Variants in IL1RAPL1 observed in about 807,000 individuals in gnomAD.
The protein encoded by IL1RAPL1 is interleukin 1 receptor accessory protein like 1.
A neutral mutation model predicts 48.4 loss-of-function variants in IL1RAPL1; 3 were observed. The ratio of observed to expected loss-of-function variants is 0.06; its 90% confidence interval spans 0.03 to 0.16. The LOEUF is 0.16. IL1RAPL1 is among the 10% of genes least tolerant of loss of function. IL1RAPL1 has a pLI of 1.00. For synonymous variants in IL1RAPL1, 185 were observed against 187.7 expected, an observed-to-expected ratio of 0.99 and a Z score of 0.12; for missense variants, 349 against 530.6, an observed-to-expected ratio of 0.66 and a Z score of 3.36.
At chrX:29,158,968 C>G (rs1310523144) in intron 2 of IL1RAPL1, among the ~76,000 whole-genome samples, 1 of 73,154 alleles carries the variant, frequency 1.4e-5, no homozygotes, top group African/African-American at 5.4e-5. Flanking sequence ...CTCTCTCTCT[C>G]TCTCTTTCCT....
chrX:28,792,471 G>A (rs1408970328), intron 2 of IL1RAPL1, among the ~76,000 whole-genome samples: 2 of 109,096 alleles, frequency 1.8e-5, no homozygotes, highest in East Asian at 2.9e-4. Flanking sequence ...TCCCATCGCT[G>A]TTAATTTAAG....
intron 1 of IL1RAPL1, among the ~76,000 whole-genome samples, chrX:28,631,115 G>A (rs1279828620): frequency 9.0e-6 from 1 of 111,704 alleles, no homozygotes; most frequent in Non-Finnish European, 1.9e-5. Flanking sequence ...ATCCCATCAG[G>A]AGCCTCTTGA....
intron 5 of IL1RAPL1, among the ~76,000 whole-genome samples, chrX:29,593,326 G>C (rs1341936515): frequency 1.8e-5 from 2 of 111,801 alleles, no homozygotes; most frequent in Admixed American, 9.5e-5. Flanking sequence ...TACCAGGTTC[G>C]TGGTGGAAAC....
intron 2 of IL1RAPL1, among the ~76,000 whole-genome samples, chrX:29,123,982 A>T (rs1280894510): frequency 3.6e-5 from 4 of 111,730 alleles, no homozygotes; most frequent in African/African-American, 1.3e-4. Context: ...CTACTAGAGC[A>T]TCTTAAAATT....
chrX:28,865,240 C>T (rs1922048768), intron 2 of IL1RAPL1, among the ~76,000 whole-genome samples: 1 of 110,613 alleles, frequency 9.0e-6, no homozygotes, highest in African/African-American at 3.3e-5. Flanking sequence ...AAGTTCGAGA[C>T]CAGCCTGACC....
rs557765024 is a variant in IL1RAPL1 at position 29,449,780 on chromosome X, C to CACAGAGAGAGAG, written c.703+50473_703+50474insCAGAGAGAGAGA. ...ACACACACACACACACACACACACA[C>CACAGAGAGAGAG]AGAGAGAGAGAGAGAGAGAATATAA... On this transcript the variant is annotated intron_variant, in intron 5 of 10. Coordinates refer to ENST00000378993, the MANE Select transcript of IL1RAPL1 (RefSeq NM_014271.4). Among the ~76,000 whole-genome samples the CACAGAGAGAGAG allele has an allele frequency of 1.9e-3, 108 of 58,245 alleles. 2 individuals are homozygous for CACAGAGAGAGAG. Among genetic ancestry groups the CACAGAGAGAGAG allele is most frequent in the African/African-American group, 6.7e-3 (90 of 13,426 alleles). The allele number at this position is 58,245 out of a possible 115,157, so 50.6% of individuals were successfully genotyped here.
At chrX:29,907,841 A>ATTTG (rs1325224897) in intron 6 of IL1RAPL1, among the ~76,000 whole-genome samples, 1 of 82,409 alleles carries the variant, frequency 1.2e-5, no homozygotes, top group Non-Finnish European at 2.2e-5. Flanking sequence ...TTGGGAATGG[A>ATTTG]TTTGTTTAAT....
intron 1 of IL1RAPL1, among the ~76,000 whole-genome samples, chrX:28,728,816 G>A (rs1313964599): frequency 1.8e-5 from 2 of 111,350 alleles, no homozygotes; most frequent in Non-Finnish European, 3.8e-5. Context: ...AAGAAGTCAA[G>A]TAGGAAACTC....
At chrX:29,538,672 C>T (rs941206764) in intron 5 of IL1RAPL1, among the ~76,000 whole-genome samples, 7 of 108,252 alleles carry the variant, frequency 6.5e-5, no homozygotes, top group Non-Finnish European at 1.1e-4. Flanking sequence ...ATTTAGTAAC[C>T]TCCCAAATTA....
At chrX:29,398,968 A>G (rs909896194) in intron 4 of IL1RAPL1, among the ~76,000 whole-genome samples, 187 bp from the exon 5 acceptor site, 5 of 112,509 alleles carry the variant, frequency 4.4e-5, no homozygotes, top group Middle Eastern at 4.6e-3. Flanking sequence ...GCAACTTGCC[A>G]TATTATTCTA....
chrX:28,946,657 T>C (rs1034299348), intron 2 of IL1RAPL1, among the ~76,000 whole-genome samples: 1 of 110,911 alleles, frequency 9.0e-6, no homozygotes, highest in Non-Finnish European at 1.9e-5. Flanking sequence ...ACAATATTTA[T>C]TGGGCCCTTG....
intron 2 of IL1RAPL1, among the ~76,000 whole-genome samples, chrX:29,203,722 A>AATATAGATATATATATATAT (rs1419764371): frequency 4.6e-4 from 36 of 78,412 alleles, no homozygotes; most frequent in African/African-American, 1.9e-3. Flanking sequence ...TCCGTCTCAA[A>AATATAGATATATATATATAT]ATATATATAT....
At chrX:29,775,524 G>A (rs1383248286) in intron 6 of IL1RAPL1, among the ~76,000 whole-genome samples, 2 of 111,342 alleles carry the variant, frequency 1.8e-5, no homozygotes, top group African/African-American at 3.3e-5. Context: ...GCGAAGGGAG[G>A]TCACTGGTGA....
intron 5 of IL1RAPL1, among the ~76,000 whole-genome samples, chrX:29,651,111 A>AG (rs1925504268): frequency 9.1e-6 from 1 of 110,463 alleles, no homozygotes; most frequent in Non-Finnish European, 1.9e-5. Context: ...TATTGTCAAA[A>AG]AAAAAAAAAG....
At chrX:29,006,375 A>G (rs1602007697) in intron 2 of IL1RAPL1, among the ~76,000 whole-genome samples, 2 of 110,012 alleles carry the variant, frequency 1.8e-5, no homozygotes, top group South Asian at 7.9e-4. Context: ...TTAGCCGGGC[A>G]TGGTGGCAGG....
At chrX:29,586,363 T>C (rs1316319341) in intron 5 of IL1RAPL1, among the ~76,000 whole-genome samples, 1 of 111,639 alleles carries the variant, frequency 9.0e-6, no homozygotes, top group South Asian at 3.7e-4. Context: ...TGTATATACA[T>C]GGATTTATTT....
At chrX:29,356,273 C>T (rs1037511015) in intron 3 of IL1RAPL1, among the ~76,000 whole-genome samples, 2 of 80,620 alleles carry the variant, frequency 2.5e-5, no homozygotes, top group Non-Finnish European at 5.0e-5. Context: ...CTTATACCTA[C>T]GACACTAATC....
chrX:29,078,493 A>C (rs1360892125), intron 2 of IL1RAPL1, among the ~76,000 whole-genome samples: 2 of 112,097 alleles, frequency 1.8e-5, no homozygotes, highest in Non-Finnish European at 3.8e-5. Context: ...CCCAGAAAAA[A>C]ATGAGGTCAT....
intron 5 of IL1RAPL1, among the ~76,000 whole-genome samples, chrX:29,633,571 A>G (rs1924864340): frequency 9.0e-6 from 1 of 111,512 alleles, no homozygotes; most frequent in Admixed American, 9.6e-5. Context: ...CTGCTGTAAC[A>G]AATTACCACA....
Sources: gnomAD v4.1 joint callset for allele counts (sites outside exome capture counted in the v4.1 genomes callset) on GRCh38, gnomAD v4.1.1 for gene constraint, MANE v1.5 for transcripts, NCBI Gene and HGNC (gene_info 2026-07-23, HGNC 2026-07-21) for gene names.